Variants in TRPM8 observed in about 807,000 individuals in gnomAD.
TRPM8 encodes the protein transient receptor potential cation channel subfamily M member 8, also known as TRPM8 cationic channel.
TRPM8 carries 110 observed loss-of-function variants against 133.7 expected under a neutral mutation model. The ratio of observed to expected loss-of-function variants is 0.82; its 90% confidence interval spans 0.70 to 0.96. The LOEUF is 0.96. Among genes scored for constraint, TRPM8 ranks in the 40% least tolerant of loss-of-function variants. TRPM8 has a pLI of 0.00. For missense variants in TRPM8, 1,291 were observed against 1,379.5 expected, an observed-to-expected ratio of 0.94 and a Z score of 1.02; for synonymous variants, 535 against 532.3, an observed-to-expected ratio of 1.01 and a Z score of -0.07.
At chr2:234,002,308 A>T (rs188166095) in intron 22 of TRPM8, among the ~76,000 whole-genome samples, 338 of 152,096 alleles carry the variant, frequency 2.2e-3, no homozygotes, top group Non-Finnish European at 3.7e-3. Context: ...GACGAGAGTA[A>T]GGCTTGGACT....
intron 1 of TRPM8, among the ~76,000 whole-genome samples, chr2:233,922,003 T>C (rs1043071987): frequency 4.6e-5 from 7 of 152,158 alleles, no homozygotes; most frequent in Admixed American, 4.6e-4. Flanking sequence ...AAGGCTACTG[T>C]ACAAATGTAA....
At chr2:234,015,329 C>T (rs752077251) in intron 25 of TRPM8, among the ~76,000 whole-genome samples, 13 of 151,534 alleles carry the variant, frequency 8.6e-5, no homozygotes, top group Non-Finnish European at 1.5e-4. Flanking sequence ...AGGAAAAAAA[C>T]AGCAATGGGC....
At position 233,964,726 on chromosome 2, in the gene TRPM8, G is replaced by A. The variant is rs201101557; in HGVS notation, c.1848G>A (p.Glu616=). 53 of 1,613,062 alleles carry A rather than the reference G, an allele frequency of 3.3e-5. No individual in the cohort carries two copies. Among genetic ancestry groups the A allele is most frequent in the Non-Finnish European group, 4.0e-5 (47 of 1,179,320 alleles). Residue 616 remains glutamate, a synonymous_variant, in exon 14 of 26, where the codon GAG becomes GAA. Coordinates refer to ENST00000324695, the MANE Select transcript of TRPM8 (RefSeq NM_024080.5). The stretch of plus-strand genomic sequence containing the variant: ...TCAATGCTGCTGGGGAGTCCGAGGA[G>A]CTGGCTAATGAGTACGAGACCCGGG... ...NDINAAGESE[E]LANEYETRAV...
intron 6 of TRPM8, among the ~76,000 whole-genome samples, chr2:233,944,682 A>C (rs886947169): frequency 6.6e-6 from 1 of 152,230 alleles, no homozygotes; most frequent in Admixed American, 6.5e-5. Context: ...CATATTAAGA[A>C]TATATGTCAA....
At chr2:233,991,455 C>A (rs775622276) in intron 21 of TRPM8, among the ~76,000 whole-genome samples, 1 of 152,056 alleles carries the variant, frequency 6.6e-6, no homozygotes, top group African/African-American at 2.4e-5. Context: ...TCAGAGAGAG[C>A]GAAAAGTCAC....
Position 233,947,127 on chromosome 2 carries a change from C to T in TRPM8, c.914C>T (p.Ala305Val), listed in dbSNP as rs1423220860. The change falls in exon 8 of 26, where the codon GCC becomes GTC. Residue 305 changes from alanine (A) to valine (V), a missense_variant. Ala to Val is a moderately conservative substitution (Grantham distance 64, BLOSUM62 0). Around this residue, in one of 2 missense-constraint regions of TRPM8, gnomAD observed 963 missense variants for 968.9 expected, o/e 0.99. Coordinates refer to ENST00000324695, the MANE Select transcript of TRPM8 (RefSeq NM_024080.5). ...YGGKIPIVCF[A>V]QGGGKETLKA... ...GGCAAGATCCCCATTGTGTGTTTTGCCCAAGGAGGTGGAAAAGAGACTTTG... is the reference window on the plus strand; with the variant it reads ...GGCAAGATCCCCATTGTGTGTTTTGTCCAAGGAGGTGGAAAAGAGACTTTG... 3 of 1,614,014 alleles carry T rather than the reference C, an allele frequency of 1.9e-6. No individual in the cohort carries two copies. The highest frequency in any genetic ancestry group is 2.5e-6 in the Non-Finnish European group (3 of 1,179,930).
intron 15 of TRPM8, chr2:233,968,115 A>T (rs538729398): frequency 6.6e-6 from 1 of 152,300 alleles, no homozygotes; most frequent in South Asian, 2.1e-4. Flanking sequence ...AATTTCCGTG[A>T]CTGGGGCCTG....
chr2:233,971,401 G>A (rs562526769), intron 17 of TRPM8, among the ~76,000 whole-genome samples: 3 of 152,278 alleles, frequency 2.0e-5, no homozygotes, highest in South Asian at 2.1e-4. Context: ...TGTTCTCAGC[G>A]GGAGAGCATT....
At chr2:233,925,885 G>A (rs1240395538) in intron 1 of TRPM8, among the ~76,000 whole-genome samples, 1 of 152,038 alleles carries the variant, frequency 6.6e-6, no homozygotes, top group East Asian at 1.9e-4. Context: ...GGGCATATTA[G>A]AGTGAGAAAA....
intron 1 of TRPM8, among the ~76,000 whole-genome samples, chr2:233,917,790 C>T (rs1691331704): frequency 6.6e-6 from 1 of 150,968 alleles, no homozygotes; most frequent in Non-Finnish European, 1.5e-5. Context: ...AACTGACTAT[C>T]TGAAGCAATC....
chr2:233,982,386 A>G (rs1692032933), intron 19 of TRPM8, among the ~76,000 whole-genome samples: 1 of 152,208 alleles, frequency 6.6e-6, no homozygotes, highest in Admixed American at 6.5e-5. Context: ...TATACACGCA[A>G]TAGAAAGAAT....
At chr2:234,007,165 A>T (rs779491217) in intron 23 of TRPM8, among the ~76,000 whole-genome samples, 3 of 152,098 alleles carry the variant, frequency 2.0e-5, no homozygotes, top group Admixed American at 6.5e-5. Flanking sequence ...CTACTATCCC[A>T]ATTGCCCTTC....
chr2:234,017,322 A>G lies in TRPM8; in HGVS notation c.*66A>G, dbSNP rs1163967889. The stretch of plus-strand genomic sequence containing the variant: ...AGATCATATTAAGGAATGCTGATGA[A>G]CAATTTTGCTATCGACTACTAAATG... On this transcript the variant is annotated 3_prime_UTR_variant, in exon 26 of 26. Coordinates refer to ENST00000324695, the MANE Select transcript of TRPM8 (RefSeq NM_024080.5). 1 of 471,192 alleles carries G rather than the reference A, an allele frequency of 2.1e-6. No homozygotes were observed. The highest frequency in any genetic ancestry group is 4.4e-6 in the Non-Finnish European group (1 of 227,126). 29.2% of individuals were successfully genotyped at this position (471,192 alleles called of 1,614,324 possible). A position where few individuals can be genotyped will look rare whatever the true frequency, so the allele number is the denominator to read the frequency against.
intron 22 of TRPM8, among the ~76,000 whole-genome samples, chr2:234,002,854 A>G (rs1481932916): frequency 1.3e-5 from 2 of 152,070 alleles, no homozygotes; most frequent in African/African-American, 4.8e-5. Flanking sequence ...TGGCTGCTGG[A>G]CAGCTGTTCC....
Position 233,960,946 on chromosome 2 carries a change from C to T in TRPM8, c.1533C>T (p.Ile511=), listed in dbSNP as rs139460470. 3.0e-4 allele frequency: 479 copies of T among 1,614,068 alleles called. 2 individuals are homozygous for T. Among genetic ancestry groups the T allele is most frequent in the Non-Finnish European group, 3.6e-4 (421 of 1,180,052 alleles). The change falls in exon 12 of 26, where the codon ATC becomes ATT. Residue 511 remains isoleucine (I), a synonymous_variant. Transcript: ENST00000324695. ...CGCTTGTGTACCGGAATCTGCAGAT[C>T]GCCAAGAATTCCTATAATGATGCCC... The part of the protein sequence containing the change: ...FSTLVYRNLQ[I]AKNSYNDALL...
chr2:234,009,047 G>T (rs967949335), intron 24 of TRPM8, among the ~76,000 whole-genome samples: 2 of 152,188 alleles, frequency 1.3e-5, no homozygotes, highest in African/African-American at 2.4e-5. Context: ...AGAAGTGGGG[G>T]AGTCTGGGTT....
At chr2:233,983,629 C>T (rs1464078314) in intron 20 of TRPM8, among the ~76,000 whole-genome samples, 1 of 152,320 alleles carries the variant, frequency 6.6e-6, no homozygotes, top group Non-Finnish European at 1.5e-5. Context: ...ATTTAGACTT[C>T]TGGCGTGCGT....
At chr2:233,983,300 C>T (rs1354322282) in intron 20 of TRPM8, 76 bp downstream of exon 20, 12 of 1,560,870 alleles carry the variant, frequency 7.7e-6, no homozygotes, top group Admixed American at 6.8e-5. Context: ...AGGGCTGCCC[C>T]GGAGACCGCA....
At chr2:234,007,064 T>C (rs369418507) in intron 23 of TRPM8, 112 bp downstream of exon 23, 1 of 687,126 alleles carries the variant, frequency 1.5e-6, no homozygotes. Context: ...CAACAGAGAA[T>C]AATACCACCA....
Sources: gnomAD v4.1 joint callset for allele counts (sites outside exome capture counted in the v4.1 genomes callset) on GRCh38, gnomAD v4.1.1 for gene constraint, gnomAD v4.1.1 regional missense constraint, MANE v1.5 for transcripts, NCBI Gene and HGNC (gene_info 2026-07-23, HGNC 2026-07-21) for gene names.